The following ZNF423 variants were observed in gnomAD, a reference collection of about 807,000 sequenced individuals.
ZNF423 encodes the protein zinc finger protein 423.
Under a neutral mutation model 95.8 loss-of-function variants are expected in ZNF423, and 12 were observed. That is an observed-to-expected ratio of 0.13 (90% confidence interval 0.08 to 0.20). ZNF423 has a LOEUF of 0.20. Ranked by LOEUF, ZNF423 falls within the 10% of genes least tolerant of loss-of-function variation. ZNF423 has a pLI of 1.00. For missense variants in ZNF423, 1,316 were observed against 1,737.1 expected (o/e 0.76, Z 4.31); for synonymous variants, 749 against 711.9 (o/e 1.05, Z -0.83).
chr16:49,703,800 T>C (rs961191197), intron 3 of ZNF423, among the ~76,000 whole-genome samples: 16 of 152,204 alleles, frequency 1.1e-4, no homozygotes, highest in African/African-American at 3.9e-4. Context: ...CCTAACTCGC[T>C]GGGCTGGCAG....
At chr16:49,505,182 C>A (rs1967580081) in intron 7 of ZNF423, among the ~76,000 whole-genome samples, 1 of 152,072 alleles carries the variant, frequency 6.6e-6, no homozygotes, top group Non-Finnish European at 1.5e-5. Context: ...TTCCACAAAC[C>A]AAAAATCAGG....
At chr16:49,790,006 C>A (rs571829573) in intron 1 of ZNF423, among the ~76,000 whole-genome samples, 2 of 152,152 alleles carry the variant, frequency 1.3e-5, no homozygotes, top group Admixed American at 6.5e-5. Context: ...CAGCCTCCCC[C>A]CCATTCCACC....
intron 2 of ZNF423, among the ~76,000 whole-genome samples, chr16:49,775,226 T>C (rs541930912): frequency 6.6e-6 from 1 of 152,318 alleles, no homozygotes; most frequent in Non-Finnish European, 1.5e-5. Flanking sequence ...TGTTTGTCCA[T>C]TGATTAATGA....
intron 3 of ZNF423, among the ~76,000 whole-genome samples, chr16:49,652,191 C>T (rs1017075165): frequency 3.3e-5 from 5 of 151,688 alleles, no homozygotes; most frequent in Admixed American, 6.6e-5. Flanking sequence ...GCTGGACATG[C>T]AGGGCAAGGA....
chr16:49,559,811 A>G (rs1179553616), intron 5 of ZNF423, among the ~76,000 whole-genome samples: 1 of 152,146 alleles, frequency 6.6e-6, no homozygotes, highest in Non-Finnish European at 1.5e-5. Flanking sequence ...TAACATTTTC[A>G]AACAAAGATG....
chr16:49,804,866 G>A (rs1435051388), intron 1 of ZNF423, among the ~76,000 whole-genome samples: 2 of 150,660 alleles, frequency 1.3e-5, no homozygotes, highest in African/African-American at 4.9e-5. Flanking sequence ...CCAGTGCCTG[G>A]CAAATGGAAA....
At chr16:49,568,519 A>G (rs1258188683) in intron 5 of ZNF423, among the ~76,000 whole-genome samples, 1 of 152,084 alleles carries the variant, frequency 6.6e-6, no homozygotes, top group East Asian at 1.9e-4. Flanking sequence ...CAAGGCATAC[A>G]AGGTATGTAT....
At chr16:49,669,013 G>C (rs1351088086) in intron 3 of ZNF423, among the ~76,000 whole-genome samples, 1 of 152,204 alleles carries the variant, frequency 6.6e-6, no homozygotes, top group Non-Finnish European at 1.5e-5. Flanking sequence ...AGAGAGTGGG[G>C]AGTGGGGAGT....
At chr16:49,770,670 G>A (rs1047140990) in intron 2 of ZNF423, among the ~76,000 whole-genome samples, 1 of 152,192 alleles carries the variant, frequency 6.6e-6, no homozygotes, top group Non-Finnish European at 1.5e-5. Context: ...GGAAAGGGGA[G>A]AGAGGGTGCT....
chr16:49,501,252 T>A (rs1335273209), intron 7 of ZNF423, among the ~76,000 whole-genome samples: 1 of 152,166 alleles, frequency 6.6e-6, no homozygotes, highest in African/African-American at 2.4e-5. Context: ...GTGGGGTCTG[T>A]GTCAGCCCCA....
At chr16:49,759,147 C>A (rs1188500323) in intron 2 of ZNF423, among the ~76,000 whole-genome samples, 5 of 152,008 alleles carry the variant, frequency 3.3e-5, no homozygotes, top group Non-Finnish European at 5.9e-5. Flanking sequence ...CGCCTGTAAT[C>A]CCAGCACCTT....
At chr16:49,691,633 G>A (rs2031785184) in intron 3 of ZNF423, among the ~76,000 whole-genome samples, 1 of 152,070 alleles carries the variant, frequency 6.6e-6, no homozygotes, top group South Asian at 2.1e-4. Context: ...TCAGGAGGCT[G>A]AGGCAGGAGA....
At chr16:49,662,062 G>C (rs2030260692) in intron 3 of ZNF423, among the ~76,000 whole-genome samples, 1 of 152,170 alleles carries the variant, frequency 6.6e-6, no homozygotes, top group East Asian at 1.9e-4. Flanking sequence ...CCGCTGGGCA[G>C]AGCCGTGGTT....
chr16:49,709,884 G>T (rs1198304700), intron 3 of ZNF423, among the ~76,000 whole-genome samples: 1 of 152,120 alleles, frequency 6.6e-6, no homozygotes, highest in Non-Finnish European at 1.5e-5. Context: ...ACAAATTTCT[G>T]TTGCATGTAA....
Position 49,768,388 on chromosome 16 carries a change from G to A in ZNF423, c.100+21099C>T, listed in dbSNP as rs192242758. Among the ~76,000 whole-genome samples, 5 of 152,328 alleles carry A rather than the reference G, an allele frequency of 3.3e-5. No homozygotes were observed. The East Asian group carries it at 9.6e-4, about 29-fold the overall frequency. The stretch of plus-strand genomic sequence containing the variant: ...CCGGCTCCCGCAAAGCATGAGAGCC[G>A]CTAGGCTGGGCTTCCCTTCCACACG... On this transcript the variant is annotated intron_variant, in intron 2 of 7. Transcript: ENST00000563137.
chr16:49,592,584 A>T (rs889842941), intron 5 of ZNF423, among the ~76,000 whole-genome samples: 1 of 152,256 alleles, frequency 6.6e-6, no homozygotes. Flanking sequence ...GCCATAAGCC[A>T]TGAACCAAAA....
Position 49,635,838 on chromosome 16 carries a change from C to T in ZNF423, c.3338G>A (p.Gly1113Asp), listed in dbSNP as rs749927500. The T allele has an allele frequency of 3.1e-5, 49 of 1,603,176 alleles. No individual in the cohort carries two copies. The highest frequency in any genetic ancestry group is 7.8e-5 in the South Asian group (7 of 89,828). Residue 1113 changes from glycine to aspartate, a missense_variant, in exon 4 of 8, where the codon GGT (glycine) becomes GAT (aspartate). Physicochemically the swap from Gly to Asp is moderately conservative, Grantham distance 94. Coordinates refer to ENST00000563137, the MANE Select transcript of ZNF423 (RefSeq NM_001379286.1). The surrounding 1 kb of genome is among the most constrained non-coding windows in gnomAD (Gnocchi z 4.8). Reference protein sequence around the residue: ...CMARSANGQVGGLAPPEPADR... With the variant: ...CMARSANGQVDGLAPPEPADR... ...GGCGGGCTCGGGCGGGGCCAGGCCA[C>T]CCACCTGTCCGTTGGCGCTGCGGGC...
chr16:49,620,795 C>T (rs1411842798), intron 5 of ZNF423, among the ~76,000 whole-genome samples: 1 of 152,206 alleles, frequency 6.6e-6, no homozygotes, highest in Non-Finnish European at 1.5e-5. Flanking sequence ...CAGCCATCCC[C>T]ACCCAAAACA....
intron 1 of ZNF423, among the ~76,000 whole-genome samples, chr16:49,852,882 G>A (rs961156827): frequency 1.3e-5 from 2 of 152,110 alleles, no homozygotes; most frequent in African/African-American, 4.8e-5. Context: ...AAGGGAGGTT[G>A]TGTCCGTGAG....
Sources: allele counts gnomAD v4.1 joint callset (sites outside exome capture counted in the v4.1 genomes callset), GRCh38; gene constraint gnomAD v4.1.1; non-coding constraint Gnocchi (gnomAD v3.1); transcripts MANE v1.5; gene names NCBI Gene and HGNC (gene_info 2026-07-23, HGNC 2026-07-21).